Variants in HHAT observed in about 807,000 individuals in gnomAD.
The protein encoded by HHAT is protein-cysteine N-palmitoyltransferase HHAT.
A neutral mutation model predicts 70.8 loss-of-function variants in HHAT; 47 were observed. That is an observed-to-expected ratio of 0.66 (90% CI 0.53 to 0.85). The LOEUF is 0.85. Among genes scored for constraint, HHAT ranks in the 40% least tolerant of loss-of-function variants. The pLI, the probability that HHAT is intolerant of heterozygous loss-of-function variation, is 0.00. For missense variants in HHAT, 609 were observed against 604.8 expected, an observed-to-expected ratio of 1.01 and a Z score of -0.07; for synonymous variants, 228 against 247.6, an observed-to-expected ratio of 0.92 and a Z score of 0.74.
At chr1:210,370,241 C>A (rs1428389948) in intron 3 of HHAT, among the ~76,000 whole-genome samples, 2 of 137,330 alleles carry the variant, frequency 1.5e-5, no homozygotes, top group African/African-American at 2.8e-5. Flanking sequence ...AGTGCATGAT[C>A]TTGGCTCACT....
intron 7 of HHAT, among the ~76,000 whole-genome samples, chr1:210,423,321 T>G (rs2092961169): frequency 6.6e-6 from 1 of 152,202 alleles, no homozygotes; most frequent in Non-Finnish European, 1.5e-5. Flanking sequence ...TCCCTCATGA[T>G]TAGTGATATT....
intron 11 of HHAT, among the ~76,000 whole-genome samples, chr1:210,669,552 C>T (rs1279548660): frequency 6.6e-6 from 1 of 152,228 alleles, no homozygotes. Context: ...GTCAAATAAT[C>T]TGTCCTATTA....
intron 9 of HHAT, among the ~76,000 whole-genome samples, chr1:210,528,808 A>T (rs2095280619): frequency 6.6e-6 from 1 of 152,172 alleles, no homozygotes; most frequent in Admixed American, 6.5e-5. Flanking sequence ...GGGATCTGGA[A>T]ATCGGGCATA....
Position 210,352,619 on chromosome 1 carries a change from T to A in HHAT, c.91+3553T>A, listed in dbSNP as rs115282744. Among the ~76,000 whole-genome samples the A allele has an allele frequency of 5.7e-3, 866 of 152,290 alleles. 12 individuals carry two copies. Among genetic ancestry groups the A allele is most frequent in the African/African-American group, 0.02 (835 of 41,546 alleles). ...CTTGGGCACAGAGCAGGCATCTCAT[T>A]CACTGCTGTCTCTATCAGCAGTAGT... On this transcript the variant is annotated intron_variant, in intron 2 of 11. Coordinates refer to ENST00000261458, the MANE Select transcript of HHAT (RefSeq NM_018194.6).
At chr1:210,588,466 G>A in intron 10 of HHAT, 1 of 174,250 alleles carries the variant, frequency 5.7e-6, no homozygotes, top group African/African-American at 2.4e-5. Context: ...CTATTACAGA[G>A]AGATGATTGT....
At chr1:210,379,708 C>T (rs1028524519) in intron 3 of HHAT, among the ~76,000 whole-genome samples, 6 of 152,148 alleles carry the variant, frequency 3.9e-5, no homozygotes, top group Non-Finnish European at 5.9e-5. Flanking sequence ...AAAGTAAAAT[C>T]GAGTTTGTTG....
At chr1:210,502,134 C>T (rs1034912347) in intron 8 of HHAT, among the ~76,000 whole-genome samples, 1 of 151,600 alleles carries the variant, frequency 6.6e-6, no homozygotes, top group African/African-American at 2.4e-5. Flanking sequence ...CCTGTAATCC[C>T]AGCAGTTTGG....
chr1:210,404,703 T>C (rs1410806233), intron 6 of HHAT, 24 bp downstream of exon 6: 2 of 1,581,076 alleles, frequency 1.3e-6, no homozygotes, highest in Admixed American at 1.7e-5. Context: ...GGGATGGGAT[T>C]GGGATTCTAT....
chr1:210,347,982 A>G (rs1008557080), intron 1 of HHAT, among the ~76,000 whole-genome samples: 31 of 152,324 alleles, frequency 2.0e-4, no homozygotes, highest in African/African-American at 7.2e-4. Context: ...ATTGATGTGT[A>G]AGAAGAGAGA....
chr1:210,638,972 T>C (rs559982288), intron 11 of HHAT, among the ~76,000 whole-genome samples: 17 of 152,266 alleles, frequency 1.1e-4, no homozygotes, highest in Non-Finnish European at 2.1e-4. Context: ...TCTGTGAATA[T>C]ACTATGAGCC....
chr1:210,430,740 T>A (rs528894082), intron 7 of HHAT, among the ~76,000 whole-genome samples: 1 of 152,056 alleles, frequency 6.6e-6, no homozygotes, highest in East Asian at 1.9e-4. Context: ...GAAATAATGC[T>A]TTTTAATGTG....
In HHAT at chr1:210,456,355, C is replaced by T. The variant is rs1286821512; in HGVS notation, c.857-8150C>T. Reference sequence around the variant, plus strand: ...GGTTTGGTCTTACTTACTCTGAATACTCAGTCTTTGCATTTCCTGGAAGCA... The same window carrying T: ...GGTTTGGTCTTACTTACTCTGAATATTCAGTCTTTGCATTTCCTGGAAGCA... On this transcript the variant is annotated intron_variant, in intron 7 of 11. Transcript: ENST00000261458. Among the ~76,000 whole-genome samples the T allele has an allele frequency of 2.6e-5, 4 of 152,146 alleles. No individual in the cohort carries two copies. The East Asian group carries it at 7.7e-4, about 29-fold the overall frequency.
intron 3 of HHAT, among the ~76,000 whole-genome samples, chr1:210,369,123 G>A (rs1227763596): frequency 6.6e-6 from 1 of 152,080 alleles, no homozygotes; most frequent in East Asian, 1.9e-4. Flanking sequence ...TTCTCCCTCT[G>A]TAGCAAGGAG....
intron 3 of HHAT, among the ~76,000 whole-genome samples, chr1:210,381,587 C>A (rs1341313000): frequency 6.6e-6 from 1 of 152,126 alleles, no homozygotes; most frequent in East Asian, 1.9e-4. Flanking sequence ...GGCCTCAAAT[C>A]ATTTTTAAGG....
intron 9 of HHAT, among the ~76,000 whole-genome samples, chr1:210,536,908 T>C (rs1204414351): frequency 6.6e-6 from 1 of 152,014 alleles, no homozygotes. Context: ...CAATAAAAAA[T>C]ATCACCAGAT....
chr1:210,330,551 G>A (rs1571618825), intron 1 of HHAT, among the ~76,000 whole-genome samples: 1 of 152,264 alleles, frequency 6.6e-6, no homozygotes, highest in East Asian at 1.9e-4. Flanking sequence ...GATGAACTTA[G>A]GGTGAAAGTC....
intron 10 of HHAT, among the ~76,000 whole-genome samples, chr1:210,620,422 C>T (rs1336058563): frequency 6.6e-6 from 1 of 152,184 alleles, no homozygotes; most frequent in African/African-American, 2.4e-5. Flanking sequence ...CTCCTGTCCC[C>T]TTTGCTGTTA....
chr1:210,485,468 G>C (rs1438879714), intron 8 of HHAT, among the ~76,000 whole-genome samples: 3 of 152,062 alleles, frequency 2.0e-5, no homozygotes, highest in Non-Finnish European at 4.4e-5. Context: ...ACTGACACAC[G>C]GACCTCTCCC....
chr1:210,412,032 A>G (rs1572247340), intron 6 of HHAT, among the ~76,000 whole-genome samples: 6 of 152,316 alleles, frequency 3.9e-5, no homozygotes, highest in Admixed American at 3.9e-4. Context: ...ATGTCTGGTA[A>G]GGGCCTGCTT....
Sources: allele counts gnomAD v4.1 joint callset (sites outside exome capture counted in the v4.1 genomes callset), GRCh38; gene constraint gnomAD v4.1.1; transcripts MANE v1.5; gene names NCBI Gene and HGNC (gene_info 2026-07-23, HGNC 2026-07-21).